The following HYAL1 variants were observed in gnomAD, a reference collection of about 807,000 sequenced individuals.
The protein encoded by HYAL1 is hyaluronidase 1, also known as hyaluronidase-1.
In HYAL1, 21 loss-of-function variants were observed where a neutral mutation model predicts 28.8. The ratio of observed to expected loss-of-function variants is 0.73; its 90% CI spans 0.52 to 1.05. The LOEUF (loss-of-function observed/expected upper bound fraction) is 1.05, where lower values mean the gene tolerates loss of function less well. Among genes scored for constraint, HYAL1 ranks in the 50% least tolerant of loss-of-function variants. HYAL1 has a pLI of 0.00. For synonymous variants in HYAL1, 200 were observed against 230.1 expected (o/e 0.87, Z 1.18); for missense variants, 491 against 579.2 (o/e 0.85, Z 1.56).
chr3:50,303,724 G>A (rs1702267962), upstream of HYAL1: 3 of 152,300 alleles, frequency 2.0e-5, no homozygotes, highest in Non-Finnish European at 2.9e-5. Context: ...GGTTGGGGGT[G>A]GGGCTGGGCC....
intron 1 of HYAL1, among the ~76,000 whole-genome samples, chr3:50,311,674 C>T (rs1277315680): frequency 3.4e-4 from 48 of 139,866 alleles, no homozygotes; most frequent in Non-Finnish European, 6.1e-4. Flanking sequence ...GGGGGGCTGA[C>T]CCCCCAACCT....
At chr3:50,310,136 C>T (rs1226708183) in intron 1 of HYAL1, among the ~76,000 whole-genome samples, 11 of 151,170 alleles carry the variant, frequency 7.3e-5, no homozygotes, top group African/African-American at 2.7e-4. Context: ...TGTTTGCTTC[C>T]AATTTTTATG....
chr3:50,311,758 G>A (rs1419337308), intron 1 of HYAL1, among the ~76,000 whole-genome samples: 3 of 142,320 alleles, frequency 2.1e-5, no homozygotes, highest in African/African-American at 8.0e-5. Flanking sequence ...GCGGCTGGCT[G>A]GGCAGAGGGG....
intron 1 of HYAL1, among the ~76,000 whole-genome samples, chr3:50,311,326 C>A (rs1213511887): frequency 8.0e-6 from 1 of 125,756 alleles, no homozygotes; most frequent in Non-Finnish European, 1.7e-5. Context: ...CTGACCCCCC[C>A]ACCTCCCTCC....
chr3:50,305,826 G>A (rs1328276282), upstream of HYAL1, among the ~76,000 whole-genome samples: 2 of 151,290 alleles, frequency 1.3e-5, no homozygotes, highest in Admixed American at 6.6e-5. Context: ...GAGCCACCAC[G>A]CTTGGCTAAG....
At chr3:50,303,107 G>C in intron 1 of HYAL1, 127 bp from the exon 2 acceptor site, 1 of 752,818 alleles carries the variant, frequency 1.3e-6, no homozygotes, top group Middle Eastern at 4.0e-4. Flanking sequence ...ACATTGACCT[G>C]CAGGGCTCCA....
At chr3:50,301,508 T>C (rs1702158841) in intron 2 of HYAL1, among the ~76,000 whole-genome samples, 1 of 151,736 alleles carries the variant, frequency 6.6e-6, no homozygotes, top group African/African-American at 2.4e-5. Flanking sequence ...TCCCAACTAC[T>C]TGGGAGGCTG....
intron 1 of HYAL1, among the ~76,000 whole-genome samples, chr3:50,311,094 C>T (rs1702438152): frequency 6.6e-6 from 1 of 152,074 alleles, no homozygotes; most frequent in Admixed American, 6.5e-5. Flanking sequence ...TCATCATGGC[C>T]CGTTCTCAAT....
chr3:50,311,293 G>A (rs1178137677), intron 1 of HYAL1, among the ~76,000 whole-genome samples: 3 of 139,376 alleles, frequency 2.2e-5, no homozygotes, highest in Non-Finnish European at 3.2e-5. Context: ...CTTCCCGGAC[G>A]GGGCGGCTGG....
Position 50,301,058 on chromosome 3 carries a change from A to G in HYAL1, c.920T>C (p.Leu307Pro), listed in dbSNP as rs782318672. 1.9e-6 allele frequency: 3 copies of G among 1,606,260 alleles called. No individual in the cohort carries two copies. The African/African-American group carries it at 4.1e-5, about 22-fold the overall frequency. ...FLPLDELEHS[L>P]GESAAQGAAG... ...TGCCCCCTGGGCCGCACTCTCCCCC[A>G]GGCTGTGCTCCAGCTCATCCTGGGA... Residue 307 changes from leucine to proline, a missense_variant, in exon 3 of 4, where the codon CTG (leucine) becomes CCG (proline). Leu to Pro is a moderately conservative substitution (Grantham distance 98). Coordinates refer to ENST00000395144, the MANE Select transcript of HYAL1 (RefSeq NM_033159.4).
rs147089930 is a variant in HYAL1, at chr3:50,302,816, G to A, written c.141C>T (p.His47=). 5.0e-5 allele frequency: 80 copies of A among 1,614,066 alleles called. No homozygotes were observed. In the African/African-American group the frequency reaches 7.2e-4, roughly 15 times the overall value. Residue 47 remains histidine (H), a synonymous_variant, in exon 2 of 4, where the codon CAC becomes CAT. Coordinates refer to ENST00000395144, the MANE Select transcript of HYAL1 (RefSeq NM_033159.4). The surrounding 1 kb of genome is among the most constrained non-coding windows in gnomAD (Gnocchi z 5.0). ...NANTQWCLER[H]GVDVDVSVFD... The stretch of plus-strand genomic sequence containing the variant: ...AGACACTGACATCCACGTCCACACC[G>A]TGCCTCTCCAGGCACCACTGGGTGT...
Position 50,309,644 on chromosome 3 carries a change from T to C in HYAL1, c.-191+15A>G, listed in dbSNP as rs886058695. 5 of 151,110 alleles carry C rather than the reference T, an allele frequency of 3.3e-5. No individual in the cohort carries two copies. Among genetic ancestry groups the C allele is most frequent in the Non-Finnish European group, 5.9e-5 (4 of 68,030 alleles). The allele number at this position is 151,110 out of a possible 1,614,324, so 9.4% of individuals were successfully genotyped here. On this transcript the variant is annotated intron_variant, in intron 2 of 5. Transcript: ENST00000320295. ...TCACATTTTGTGTACACAGTCCCTG[T>C]ACAGGATTTCTTACCTGTGGTAAGT... is the stretch of plus-strand genomic sequence containing the variant.
upstream of HYAL1, among the ~76,000 whole-genome samples, chr3:50,306,857 AGCCTCAGT>A (rs1351099277): frequency 6.7e-6 from 1 of 150,294 alleles, no homozygotes; most frequent in Non-Finnish European, 1.5e-5. Context: ...CTGTTACTCC[AGCCTCAGT>A]GACAGAGCAA....
At chr3:50,306,978 G>T (rs919324318), upstream of HYAL1, among the ~76,000 whole-genome samples, 1 of 151,126 alleles carries the variant, frequency 6.6e-6, no homozygotes, top group Admixed American at 6.6e-5. Context: ...GCTGAGGCAG[G>T]AGAATCACTT....
intron 3 of HYAL1, 49 bp downstream of exon 3, chr3:50,300,939 T>TGGGGGGGGGGGGGGG: frequency 3.5e-5 from 34 of 959,350 alleles, no homozygotes; most frequent in Non-Finnish European, 5.2e-5. Context: ...GTCAGCTTAA[T>TGGGGGGGGGGGGGGG]GGCCCCACCC....
At chr3:50,304,605 A>T (rs1344510744), upstream of HYAL1, among the ~76,000 whole-genome samples, 3 of 151,878 alleles carry the variant, frequency 2.0e-5, no homozygotes, top group African/African-American at 7.3e-5. Context: ...GATTAAAAAA[A>T]CATTTTGTGG....
chr3:50,311,700 C>T (rs1445815844), intron 1 of HYAL1, among the ~76,000 whole-genome samples: 8 of 145,516 alleles, frequency 5.5e-5, no homozygotes, highest in Non-Finnish European at 1.0e-4. Context: ...CCGGACGGGG[C>T]GGCAGGCCGG....
intron 2 of HYAL1, among the ~76,000 whole-genome samples, chr3:50,308,933 G>A (rs1702393619): frequency 1.4e-5 from 2 of 146,102 alleles, no homozygotes; most frequent in African/African-American, 5.2e-5. Flanking sequence ...GTTTCAGCAT[G>A]TTGGTCAGGA....
chr3:50,300,841 A>G (rs1702112455), intron 3 of HYAL1, 41 bp from the exon 4 acceptor site: 1 of 1,597,124 alleles, frequency 6.3e-7, no homozygotes. Context: ...CACCATGGCC[A>G]TGTATGGACC....
Sources: gnomAD v4.1 joint callset for allele counts (sites outside exome capture counted in the v4.1 genomes callset) on GRCh38, gnomAD v4.1.1 for gene constraint, Gnocchi (gnomAD v3.1) non-coding constraint, MANE v1.5 for transcripts, NCBI Gene and HGNC (gene_info 2026-07-23, HGNC 2026-07-21) for gene names.